The following FAM72C variants were observed in gnomAD, a reference collection of about 807,000 sequenced individuals.
The protein encoded by FAM72C is protein FAM72C.
FAM72C carries 1 observed loss-of-function variant against 5.2 expected under a neutral mutation model. The observed-to-expected ratio is 0.19, with a 90% CI of 0.07 to 0.91. FAM72C has a LOEUF of 0.91. FAM72C is among the 40% of genes least tolerant of loss of function. FAM72C has a pLI of 0.66. For synonymous variants in FAM72C, 1 was observed against 21.8 expected (o/e 0.05, Z 2.66); for missense variants, 4 against 66.0 (o/e 0.06, Z 3.25).
At chr1:143,960,645 C>T (rs1237523305) in intron 3 of FAM72C, among the ~76,000 whole-genome samples, 2 of 128,026 alleles carry the variant, frequency 1.6e-5, no homozygotes, top group African/African-American at 5.9e-5. Flanking sequence ...CGCTTGAACC[C>T]GGGAGGCAGA....
At chr1:143,960,808 G>A (rs1661600503) in intron 3 of FAM72C, among the ~76,000 whole-genome samples, 1 of 141,728 alleles carries the variant, frequency 7.1e-6, no homozygotes, top group South Asian at 2.3e-4. Flanking sequence ...AAAAGAATTG[G>A]TAGTGTACTT....
At position 143,966,979 on chromosome 1, in the gene FAM72C, G is replaced by A. The variant is rs1229676593; in HGVS notation, c.230+1945C>T. The stretch of plus-strand genomic sequence containing the variant: ...GAAGACGGAGGTTGCAGTGAGCCAA[G>A]ATCATGCCATTGCACTCCAGCCTGG... On this transcript the variant is annotated intron_variant, in intron 2 of 3. Transcript: ENST00000584486. Among the ~76,000 whole-genome samples, 2 of 144,742 alleles carry A rather than the reference G, an allele frequency of 1.4e-5. 1 individual carries two copies. Among genetic ancestry groups the A allele is most frequent in the African/African-American group, 5.2e-5 (2 of 38,778 alleles). 95.0% of individuals were successfully genotyped at this position (144,742 alleles called of 152,430 possible). A position where few individuals can be genotyped will look rare whatever the true frequency, so the allele number is the denominator to read the frequency against.
chr1:143,960,836 T>A (rs1231616541), intron 3 of FAM72C, among the ~76,000 whole-genome samples: 1 of 137,014 alleles, frequency 7.3e-6, no homozygotes, highest in African/African-American at 2.7e-5. Context: ...AAAATATTTT[T>A]TTTTTTTTTT....
At chr1:143,959,899 C>T (rs1175661028) in intron 3 of FAM72C, among the ~76,000 whole-genome samples, 4 of 137,056 alleles carry the variant, frequency 2.9e-5, no homozygotes, top group African/African-American at 6.1e-5. Flanking sequence ...ATGGCTTGAG[C>T]CTGGGAGGTC....
chr1:143,969,678 TATTA>T (rs1398910402), intron 1 of FAM72C, among the ~76,000 whole-genome samples: 1 of 86,420 alleles, frequency 1.2e-5, no homozygotes, highest in Non-Finnish European at 2.3e-5. Flanking sequence ...ATGACTGCCC[TATTA>T]CTTACCATAG....
chr1:143,960,298 CAGA>C (rs587638042), intron 3 of FAM72C, among the ~76,000 whole-genome samples: 1,034 of 71,018 alleles, frequency 0.015, 13 homozygotes, highest in African/African-American at 0.061. Flanking sequence ...CCCAGCCACT[CAGA>C]AGGCTGAGGC....
intron 3 of FAM72C, among the ~76,000 whole-genome samples, chr1:143,961,877 G>A (rs1661646396): frequency 7.0e-6 from 1 of 143,152 alleles, no homozygotes; most frequent in Non-Finnish European, 1.5e-5. Context: ...AAAGTTTAAG[G>A]AAAGAAGCCA....
rs782519642 is a variant in FAM72C, at chr1:143,962,309, C to T, written c.355+2546G>A. ...GATTACAGGCGTGAGCCACCGCGCC[C>T]GGCCTCTTATTCCTTTTTTTTTTTC... On this transcript the variant is annotated intron_variant, in intron 3 of 3. Coordinates refer to ENST00000584486, the MANE Select transcript of FAM72C (RefSeq NM_001287385.2). Among the ~76,000 whole-genome samples the T allele has an allele frequency of 2.7e-4, 39 of 142,790 alleles. 3 individuals are homozygous for T. The highest frequency in any genetic ancestry group is 3.3e-4 in the African/African-American group (13 of 39,056). The allele number at this position is 142,790 out of a possible 152,430, so 93.7% of individuals were successfully genotyped here.
At position 143,959,910 on chromosome 1, in the gene FAM72C, G is replaced by A. The variant is rs1199494609; in HGVS notation, c.356-3429C>T. Among the ~76,000 whole-genome samples, 13 of 137,564 alleles carry A rather than the reference G, an allele frequency of 9.5e-5. 2 individuals carry two copies. The highest frequency in any genetic ancestry group is 2.1e-4 in the East Asian group (1 of 4,814). 90.2% of individuals were successfully genotyped at this position (137,564 alleles called of 152,430 possible). A position where few individuals can be genotyped will look rare whatever the true frequency, so the allele number is the denominator to read the frequency against. ...AAGAATGGCTTGAGCCTGGGAGGTC[G>A]AGGCTGCAGTGAGCCAAGATTGTGC... On this transcript the variant is annotated intron_variant, in intron 3 of 3. Transcript: ENST00000584486.
intron 3 of FAM72C, among the ~76,000 whole-genome samples, chr1:143,959,301 A>G (rs1553517628): frequency 1.4e-5 from 2 of 142,076 alleles, no homozygotes. Context: ...AAATACTATC[A>G]AAGCAGAAAC....
At chr1:143,960,353 C>T (rs1393033268) in intron 3 of FAM72C, among the ~76,000 whole-genome samples, 2 of 78,506 alleles carry the variant, frequency 2.5e-5, no homozygotes, top group Non-Finnish European at 5.0e-5. Context: ...TTGCGGTGAG[C>T]CGAGATCACG....
At chr1:143,962,264 T>C (rs1661664235) in intron 3 of FAM72C, among the ~76,000 whole-genome samples, 1 of 145,228 alleles carries the variant, frequency 6.9e-6, no homozygotes, top group South Asian at 2.3e-4. Flanking sequence ...TCTGCCCGCT[T>C]CGGCCTCCCA....
chr1:143,965,195 CTATTATTATTATTAT>C (rs1288339542), intron 2 of FAM72C, among the ~76,000 whole-genome samples: 2 of 91,628 alleles, frequency 2.2e-5, no homozygotes, highest in Non-Finnish European at 4.5e-5. Context: ...CATTTCTTTG[CTATTATTATTATTAT>C]TATTATTATT....
At chr1:143,962,003 TTTTTC>T (rs1661651336) in intron 3 of FAM72C, among the ~76,000 whole-genome samples, 1 of 146,134 alleles carries the variant, frequency 6.8e-6, no homozygotes, top group Admixed American at 6.8e-5. Context: ...AAACAACAGA[TTTTTC>T]TTTTCTTTTC....
At chr1:143,963,759 A>G (rs1401257807) in intron 3 of FAM72C, among the ~76,000 whole-genome samples, 2 of 136,730 alleles carry the variant, frequency 1.5e-5, no homozygotes, top group Non-Finnish European at 3.2e-5. Flanking sequence ...TCCACCAGCA[A>G]AAAGATTATG....
chr1:143,960,774 A>AAGG, intron 3 of FAM72C, among the ~76,000 whole-genome samples: 1 of 143,288 alleles, frequency 7.0e-6, no homozygotes, highest in African/African-American at 2.6e-5. Context: ...ACCTTAACAC[A>AAGG]AGGAAAAAGA....
rs1661452423 is a variant in FAM72C at position 143,955,611 on chromosome 1, T to C, written c.*776A>G. On this transcript the variant is annotated 3_prime_UTR_variant, in exon 4 of 4. Coordinates refer to ENST00000584486, the MANE Select transcript of FAM72C (RefSeq NM_001287385.2). ...GTACAATGGCTTAAGCAAATCGCTT[T>C]AGTTTTTTTTTCTATTTAAGATTTA... The C allele has an allele frequency of 7.0e-6, 1 of 143,436 alleles. No individual in the cohort carries two copies. 8.9% of individuals were successfully genotyped at this position (143,436 alleles called of 1,614,324 possible).
chr1:143,964,118 C>T lies in FAM72C; in HGVS notation c.355+737G>A, dbSNP rs1481212315. On this transcript the variant is annotated intron_variant, in intron 3 of 3. Transcript: ENST00000584486. ...ACAGGCATGAGCCACTGCTCTCGGC[C>T]GAATAAGTATTTTTTGATTAAGGTA... Among the ~76,000 whole-genome samples, 13 of 26,674 alleles carry T rather than the reference C, an allele frequency of 4.9e-4. 1 individual carries two copies. The South Asian group carries it at 0.016, about 32-fold the overall frequency. The allele number at this position is 26,674 out of a possible 152,430, so 17.5% of individuals were successfully genotyped here.
Position 143,965,450 on chromosome 1 carries a change from C to A in FAM72C, c.231-471G>T, listed in dbSNP as rs1329334308. On this transcript the variant is annotated intron_variant, in intron 2 of 3. Coordinates refer to ENST00000584486, the MANE Select transcript of FAM72C (RefSeq NM_001287385.2). ...ACCTCAGGTGATCCACCTGCCTTGG[C>A]TTCCCAAAGTTCTGGGATTACAGGC... 4.4e-4 allele frequency among the ~76,000 whole-genome samples: 48 copies of A among 108,820 alleles called. 14 individuals carry two copies. Among genetic ancestry groups the A allele is most frequent in the African/African-American group, 1.8e-3 (48 of 26,284 alleles). The allele number at this position is 108,820 out of a possible 152,430, so 71.4% of individuals were successfully genotyped here. A position where few individuals can be genotyped will look rare whatever the true frequency, so the allele number is the denominator to read the frequency against.
Sources: gnomAD v4.1 joint callset for allele counts (sites outside exome capture counted in the v4.1 genomes callset) on GRCh38, gnomAD v4.1.1 for gene constraint, MANE v1.5 for transcripts, NCBI Gene and HGNC (gene_info 2026-07-23, HGNC 2026-07-21) for gene names.